Variants in TBC1D13 observed in about 807,000 individuals in gnomAD.
The protein encoded by TBC1D13 is TBC1 domain family member 13.
TBC1D13 carries 40 observed loss-of-function variants against 53.6 expected under a neutral mutation model. The observed-to-expected ratio is 0.75, with a 90% CI of 0.58 to 0.97. TBC1D13 has a LOEUF of 0.97. Ranked by LOEUF, TBC1D13 falls within the 50% of genes least tolerant of loss-of-function variation. The pLI is 0.00. For synonymous variants in TBC1D13, 182 were observed against 197.7 expected (o/e 0.92, Z 0.67); for missense variants, 377 against 499.4 (o/e 0.75, Z 2.34).
At chr9:128,806,056 G>GCAGT (rs1829826823) in intron 10 of TBC1D13, 37 bp downstream of exon 10, 4 of 1,605,260 alleles carry the variant, frequency 2.5e-6, no homozygotes, top group Non-Finnish European at 3.4e-6. Flanking sequence ...GCTCACCTGG[G>GCAGT]CAGTCCTTGG....
At chr9:128,805,026 G>C (rs1159974443) in intron 9 of TBC1D13, among the ~76,000 whole-genome samples, 1 of 152,140 alleles carries the variant, frequency 6.6e-6, no homozygotes, top group East Asian at 1.9e-4. Flanking sequence ...ACTGTGCCTG[G>C]CTGGCCAGGA....
intron 6 of TBC1D13, among the ~76,000 whole-genome samples, chr9:128,793,636 C>T (rs1348517347): frequency 6.6e-6 from 1 of 152,214 alleles, no homozygotes; most frequent in Non-Finnish European, 1.5e-5. Context: ...TGGGACTTAG[C>T]ACTTACAGAG....
At chr9:128,797,283 C>T in intron 7 of TBC1D13, 69 bp downstream of exon 7, 6 of 1,538,250 alleles carry the variant, frequency 3.9e-6, no homozygotes, top group South Asian at 1.2e-5. Flanking sequence ...TCTTAAACTC[C>T]TGGCCACAAG....
rs1025472077 is a variant in TBC1D13, at chr9:128,810,360, T to G, written c.*2481T>G. ...GAACGTTTGCTTTAGTTTTTTCATCTGTTTTGTTCCTTGAGTCAGTGCTGT... is the reference window on the plus strand; with the variant it reads ...GAACGTTTGCTTTAGTTTTTTCATCGGTTTTGTTCCTTGAGTCAGTGCTGT... On this transcript the variant is annotated 3_prime_UTR_variant, in exon 12 of 12. Coordinates refer to ENST00000372648, the MANE Select transcript of TBC1D13 (RefSeq NM_018201.5). The G allele has an allele frequency of 1.3e-5, 2 of 152,252 alleles. No homozygotes were observed. Among genetic ancestry groups the G allele is most frequent in the African/African-American group, 2.4e-5 (1 of 41,466 alleles). The allele number at this position is 152,252 out of a possible 1,614,324, so 9.4% of individuals were successfully genotyped here.
Position 128,803,348 on chromosome 9 carries a change from C to T in TBC1D13, c.642C>T (p.Ile214=), listed in dbSNP as rs909801928. Residue 214 remains isoleucine, a synonymous_variant, in exon 8 of 12, where the codon ATC becomes ATT. Coordinates refer to ENST00000372648, the MANE Select transcript of TBC1D13 (RefSeq NM_018201.5). ...CEAHWEVVER[I]LFIYAKLNPG... is the part of the protein sequence containing the mutation. ...CCCACTGGGAGGTGGTGGAGCGGAT[C>T]CTGTTCATCTACGCCAAGCTCAACC... 3 of 1,614,090 alleles carry T rather than the reference C, an allele frequency of 1.9e-6. No individual in the cohort carries two copies. Among genetic ancestry groups the T allele is most frequent in the East Asian group, 2.2e-5 (1 of 44,900 alleles).
rs146060847 is a variant in TBC1D13, at chr9:128,807,981, C to T, written c.*102C>T. 59 of 1,175,026 alleles carry T rather than the reference C, an allele frequency of 5.0e-5. No homozygotes were observed. In the African/African-American group the frequency reaches 7.4e-4, roughly 15 times the overall value. 72.8% of individuals were successfully genotyped at this position (1,175,026 alleles called of 1,614,324 possible). On this transcript the variant is annotated 3_prime_UTR_variant, in exon 12 of 12. Transcript: ENST00000372648. ...TGTAGGAACCCAGCCTGAGGGGAAG[C>T]CACAGGATCGGCCCGAGACCCAGGC...
chr9:128,806,441 C>T lies in TBC1D13; in HGVS notation c.1137+130C>T, dbSNP rs981598772. The T allele has an allele frequency of 6.8e-6, 7 of 1,022,888 alleles. No homozygotes were observed. The Admixed American group carries it at 1.0e-4, about 15-fold the overall frequency. The allele number at this position is 1,022,888 out of a possible 1,614,324, so 63.4% of individuals were successfully genotyped here. On this transcript the variant is annotated intron_variant, in intron 11 of 11. Transcript: ENST00000372648. Reference sequence around the variant, plus strand: ...GTAGTAGGGATTAAAGTCCAGACCCCTGAGCAGATCTGGTTTGGATCTGGG... The same window carrying T: ...GTAGTAGGGATTAAAGTCCAGACCCTTGAGCAGATCTGGTTTGGATCTGGG...
chr9:128,805,383 AAT>A (rs1163321997), intron 9 of TBC1D13, among the ~76,000 whole-genome samples: 1 of 152,158 alleles, frequency 6.6e-6, no homozygotes, highest in Non-Finnish European at 1.5e-5. Flanking sequence ...TTTTTCAGTT[AAT>A]ATTCACTGTG....
rs3138859 is a variant in TBC1D13, at chr9:128,808,408, C to CGTGT, written c.*574_*577dup. ...GGCCCAAGTCCCCAGGCATCTTCTC[C>CGTGT]GTGTGTGTGTGTGTGTGTGTGTGTG... On this transcript the variant is annotated 3_prime_UTR_variant, in exon 12 of 12. Coordinates refer to ENST00000372648, the MANE Select transcript of TBC1D13 (RefSeq NM_018201.5). 0.15 allele frequency: 18,635 copies of CGTGT among 121,590 alleles called. 1,878 individuals are homozygous for CGTGT. Among genetic ancestry groups the CGTGT allele is most frequent in the Admixed American group, 0.24 (2,763 of 11,316 alleles). 7.5% of individuals were successfully genotyped at this position (121,590 alleles called of 1,614,324 possible).
intron 7 of TBC1D13, among the ~76,000 whole-genome samples, chr9:128,803,012 G>A (rs1206652291): frequency 6.6e-6 from 1 of 152,146 alleles, no homozygotes; most frequent in African/African-American, 2.4e-5. Context: ...TGGGAATACA[G>A]GCATGAGCTA....
At chr9:128,796,745 C>G (rs1280738005) in intron 6 of TBC1D13, among the ~76,000 whole-genome samples, 1 of 151,782 alleles carries the variant, frequency 6.6e-6, no homozygotes, top group East Asian at 2.0e-4. Flanking sequence ...CAAGACCATC[C>G]TGGCTAACAT....
At chr9:128,793,677 A>AAGGG (rs1450092229) in intron 6 of TBC1D13, among the ~76,000 whole-genome samples, 1 of 152,196 alleles carries the variant, frequency 6.6e-6, no homozygotes, top group Non-Finnish European at 1.5e-5. Flanking sequence ...TCCATCAGAG[A>AAGGG]AGGGTCCTGG....
At chr9:128,801,417 T>G (rs1829730961) in intron 7 of TBC1D13, among the ~76,000 whole-genome samples, 1 of 151,884 alleles carries the variant, frequency 6.6e-6, no homozygotes, top group African/African-American at 2.4e-5. Context: ...CGGTGGCTCA[T>G]GCCTGTAATC....
At chr9:128,806,042 A>G in intron 10 of TBC1D13, 23 bp downstream of exon 10, 1 of 1,610,350 alleles carries the variant, frequency 6.2e-7, no homozygotes, top group Non-Finnish European at 8.5e-7. Context: ...ATGAGCTGTC[A>G]TCAGCTCACC....
chr9:128,810,003 C>T lies in TBC1D13; in HGVS notation c.*2124C>T, dbSNP rs1829918792. ...CTTTAGTGCACTCACTCTTGTCTGC[C>T]CCCTACCTTCCCTCCTGGAACCACA... On this transcript the variant is annotated 3_prime_UTR_variant, in exon 12 of 12. Transcript: ENST00000372648. 1 of 152,396 alleles carries T rather than the reference C, an allele frequency of 6.6e-6. No individual in the cohort carries two copies. The highest frequency in any genetic ancestry group is 6.5e-5 in the Admixed American group (1 of 15,270). The allele number at this position is 152,396 out of a possible 1,614,324, so 9.4% of individuals were successfully genotyped here.
At position 128,792,419 on chromosome 9, in the gene TBC1D13, AGGTTTCCG is replaced by A; in HGVS notation, c.301-70_301-63del. The A allele has an allele frequency of 2.2e-6, 3 of 1,373,262 alleles. No homozygotes were observed. The South Asian group carries it at 3.6e-5, about 17-fold the overall frequency. The allele number at this position is 1,373,262 out of a possible 1,614,324, so 85.1% of individuals were successfully genotyped here. On this transcript the variant is annotated intron_variant, in intron 5 of 11. Coordinates refer to ENST00000372648, the MANE Select transcript of TBC1D13 (RefSeq NM_018201.5). ...GATTGTTGCAGCAAGGCCACTGCTC[AGGTTTCCG>A]GGATAGAATCGGGCCCCGGGGCCTA...
chr9:128,794,293 C>A (rs1164008382), intron 6 of TBC1D13, among the ~76,000 whole-genome samples: 1 of 152,160 alleles, frequency 6.6e-6, no homozygotes, highest in African/African-American at 2.4e-5. Context: ...CCCCATGTGA[C>A]CCCCGCACAG....
chr9:128,802,927 A>T (rs1422118184), intron 7 of TBC1D13, among the ~76,000 whole-genome samples: 3 of 151,770 alleles, frequency 2.0e-5, no homozygotes, highest in African/African-American at 7.3e-5. Context: ...TAGAGACGGG[A>T]TCTCCCTATG....
In TBC1D13 at chr9:128,796,500, C is replaced by T. The variant is rs180969694; in HGVS notation, c.384-555C>T. On this transcript the variant is annotated intron_variant, in intron 6 of 11. Coordinates refer to ENST00000372648, the MANE Select transcript of TBC1D13 (RefSeq NM_018201.5). ...TCCCGACCTCAGGTGATCCGTCTGCCTCAGCCTCCCAAAGTGCTGGGATTA... is the reference window on the plus strand; with the variant it reads ...TCCCGACCTCAGGTGATCCGTCTGCTTCAGCCTCCCAAAGTGCTGGGATTA... 5.8e-3 allele frequency among the ~76,000 whole-genome samples: 883 copies of T among 152,196 alleles called. 35 individuals carry two copies. Among genetic ancestry groups the T allele is most frequent in the Admixed American group, 0.054 (818 of 15,284 alleles).
Sources: allele counts gnomAD v4.1 joint callset (sites outside exome capture counted in the v4.1 genomes callset), GRCh38; gene constraint gnomAD v4.1.1; transcripts MANE v1.5; gene names NCBI Gene and HGNC (gene_info 2026-07-23, HGNC 2026-07-21).